Variants in VWA3B observed in about 807,000 individuals in gnomAD.
VWA3B encodes von Willebrand factor A domain containing 3B.
Under a neutral mutation model 158.3 loss-of-function variants are expected in VWA3B, and 138 were observed. That is an observed-to-expected ratio of 0.87 (90% confidence interval 0.76 to 1.00). The LOEUF is 1.00. Ranked by LOEUF, VWA3B falls within the 50% of genes least tolerant of loss-of-function variation. The pLI is 0.00. For synonymous variants in VWA3B, 596 were observed against 587.3 expected (o/e 1.01, Z -0.21); for missense variants, 1,555 against 1,565.1 (o/e 0.99, Z 0.11).
At chr2:98,226,911 C>A (rs1359395475) in intron 14 of VWA3B, among the ~76,000 whole-genome samples, 6 of 152,072 alleles carry the variant, frequency 3.9e-5, no homozygotes, top group African/African-American at 1.4e-4. Flanking sequence ...TAATAAGAGC[C>A]ATTTATGACA....
chr2:98,205,057 C>T (rs577840709), intron 12 of VWA3B, among the ~76,000 whole-genome samples: 1 of 152,156 alleles, frequency 6.6e-6, no homozygotes, highest in Non-Finnish European at 1.5e-5. Flanking sequence ...CTGCAGTGAG[C>T]TGAGATGGCG....
intron 1 of VWA3B, among the ~76,000 whole-genome samples, chr2:98,092,846 A>ATATATATAGTTGAATATTGAACTT (rs1682435127): frequency 7.6e-6 from 1 of 132,022 alleles, no homozygotes; most frequent in African/African-American, 3.0e-5. Flanking sequence ...ATATATATAT[A>ATATATATAGTTGAATATTGAACTT]TATATATATA....
At chr2:98,260,947 C>A (rs1031662517) in intron 21 of VWA3B, among the ~76,000 whole-genome samples, 2 of 151,662 alleles carry the variant, frequency 1.3e-5, no homozygotes, top group Non-Finnish European at 3.0e-5. Flanking sequence ...TCTTTTTAAG[C>A]ACCATATATT....
At chr2:98,285,160 C>T (rs1248238326) in intron 22 of VWA3B, among the ~76,000 whole-genome samples, 1 of 152,140 alleles carries the variant, frequency 6.6e-6, no homozygotes, top group Non-Finnish European at 1.5e-5. Context: ...CGTTATCTTC[C>T]TCCTAACAAG....
At chr2:98,215,305 G>C (rs181062947) in intron 13 of VWA3B, among the ~76,000 whole-genome samples, 3 of 151,036 alleles carry the variant, frequency 2.0e-5, no homozygotes, top group African/African-American at 7.3e-5. Flanking sequence ...GCTGGGCCTG[G>C]TGGCGTGCGC....
At chr2:98,145,022 G>A (rs1228518233) in intron 7 of VWA3B, among the ~76,000 whole-genome samples, 1 of 152,204 alleles carries the variant, frequency 6.6e-6, no homozygotes, top group Non-Finnish European at 1.5e-5. Flanking sequence ...TCTGAGGCCA[G>A]CTCGATTAGT....
intron 12 of VWA3B, among the ~76,000 whole-genome samples, chr2:98,210,615 A>G (rs1322131133): frequency 6.6e-6 from 1 of 152,144 alleles, no homozygotes; most frequent in Admixed American, 6.5e-5. Context: ...GCTGAGTCTG[A>G]GAAAGTCTTA....
intron 10 of VWA3B, among the ~76,000 whole-genome samples, chr2:98,188,471 TA>T (rs1428310058): frequency 4.5e-4 from 68 of 152,186 alleles, no homozygotes; most frequent in Non-Finnish European, 9.0e-4. Flanking sequence ...TAAACTTTTG[TA>T]TTCGCTAACC....
intron 21 of VWA3B, among the ~76,000 whole-genome samples, chr2:98,259,640 A>G (rs757793719): frequency 6.6e-6 from 1 of 151,662 alleles, no homozygotes; most frequent in Non-Finnish European, 1.5e-5. Flanking sequence ...CTTTTAGTCA[A>G]TCTAGCTGAA....
chr2:98,194,620 A>G, intron 12 of VWA3B, 128 bp downstream of exon 12: 1 of 1,145,156 alleles, frequency 8.7e-7, no homozygotes, highest in Non-Finnish European at 1.2e-6. Flanking sequence ...TAACATGTAG[A>G]CTTTTGTTTT....
intron 13 of VWA3B, among the ~76,000 whole-genome samples, chr2:98,215,037 A>G (rs1683857293): frequency 6.6e-6 from 1 of 152,188 alleles, no homozygotes; most frequent in African/African-American, 2.4e-5. Context: ...GAATCTCCCA[A>G]TAATATGTAT....
chr2:98,160,999 C>T (rs1384600355), intron 7 of VWA3B, among the ~76,000 whole-genome samples: 1 of 152,238 alleles, frequency 6.6e-6, no homozygotes, highest in Non-Finnish European at 1.5e-5. Context: ...AACATCAACT[C>T]TGGTCTGCCC....
At chr2:98,139,844 T>C (rs1676617682) in intron 7 of VWA3B, among the ~76,000 whole-genome samples, 1 of 151,970 alleles carries the variant, frequency 6.6e-6, no homozygotes, top group Non-Finnish European at 1.5e-5. Context: ...GGTAACCCCC[T>C]CAGGTCCCCT....
intron 5 of VWA3B, chr2:98,128,014 C>T (rs1573842577): frequency 6.5e-6 from 3 of 464,300 alleles, no homozygotes; most frequent in South Asian, 8.1e-5. Context: ...CTTCTCGTGC[C>T]TTACCCAAGA....
chr2:98,189,678 C>A (rs1681414008), intron 10 of VWA3B, among the ~76,000 whole-genome samples: 1 of 152,124 alleles, frequency 6.6e-6, no homozygotes, highest in Admixed American at 6.5e-5. Flanking sequence ...GTGTTGAAAT[C>A]TCCAACTGTA....
Position 98,304,633 on chromosome 2 carries a change from A to G in VWA3B, c.3521+831A>G, listed in dbSNP as rs569549569. 3.3e-5 allele frequency among the ~76,000 whole-genome samples: 5 copies of G among 152,072 alleles called. No homozygotes were observed. The South Asian group carries it at 8.3e-4, about 25-fold the overall frequency. On this transcript the variant is annotated intron_variant, in intron 26 of 27. Transcript: ENST00000477737. Reference sequence around the variant, plus strand: ...GTCTCTGCCTTTGCCCCCGATGTCAAAGAATCAGTGTCCTTCCTTTCACCC... The same window carrying G: ...GTCTCTGCCTTTGCCCCCGATGTCAGAGAATCAGTGTCCTTCCTTTCACCC...
intron 2 of VWA3B, among the ~76,000 whole-genome samples, chr2:98,108,974 TATA>T (rs1020947411): frequency 2.0e-5 from 3 of 151,064 alleles, no homozygotes; most frequent in Non-Finnish European, 4.4e-5. Flanking sequence ...CTTATTTATC[TATA>T]ATGTTTCTTT....
At chr2:98,098,111 A>G (rs990228284) in intron 2 of VWA3B, among the ~76,000 whole-genome samples, 7 of 152,088 alleles carry the variant, frequency 4.6e-5, no homozygotes, top group African/African-American at 1.7e-4. Flanking sequence ...GTCTTCTCAA[A>G]TTTGGTAAGA....
chr2:98,267,812 AAG>A (rs1195335861), intron 21 of VWA3B, among the ~76,000 whole-genome samples: 2 of 152,158 alleles, frequency 1.3e-5, no homozygotes, highest in Non-Finnish European at 2.9e-5. Flanking sequence ...TAAAGAAAAA[AAG>A]AGAGAAGAAT....
Sources: gnomAD v4.1 joint callset for allele counts (sites outside exome capture counted in the v4.1 genomes callset) on GRCh38, gnomAD v4.1.1 for gene constraint, MANE v1.5 for transcripts, NCBI Gene and HGNC (gene_info 2026-07-23, HGNC 2026-07-21) for gene names.